The following PIK3C2G variants were observed in gnomAD, a reference collection of about 807,000 sequenced individuals.
PIK3C2G encodes the protein phosphatidylinositol 3-kinase C2 domain-containing subunit gamma.
PIK3C2G carries 168 observed loss-of-function variants against 181.1 expected under a neutral mutation model. That is an observed-to-expected ratio of 0.93 (90% CI 0.82 to 1.05). The LOEUF is 1.05. Among genes scored for constraint, PIK3C2G ranks in the 50% least tolerant of loss-of-function variants. The pLI is 0.00. For synonymous variants in PIK3C2G, 573 were observed against 592.2 expected, an observed-to-expected ratio of 0.97 and a Z score of 0.47; for missense variants, 1,869 against 1,732.8, an observed-to-expected ratio of 1.08 and a Z score of -1.40.
chr12:18,542,045 C>A (rs893117654), intron 25 of PIK3C2G, among the ~76,000 whole-genome samples: 1 of 151,594 alleles, frequency 6.6e-6, no homozygotes, highest in African/African-American at 2.4e-5. Flanking sequence ...TGGGTGTTGG[C>A]AAGGGAACGA....
chr12:18,460,912 T>C (rs895540902), intron 18 of PIK3C2G, among the ~76,000 whole-genome samples: 10 of 151,986 alleles, frequency 6.6e-5, no homozygotes, highest in Non-Finnish European at 1.3e-4. Flanking sequence ...AGCTGTAAAA[T>C]GAATGCTAAT....
At chr12:18,615,254 T>C (rs948682846) in intron 31 of PIK3C2G, among the ~76,000 whole-genome samples, 6 of 151,932 alleles carry the variant, frequency 3.9e-5, no homozygotes, top group African/African-American at 1.5e-4. Context: ...TCACTTAAAA[T>C]AATGATCTCC....
the PIK3C2G span, chr12:18,723,495 T>C: frequency 3.7e-6 from 6 of 1,612,874 alleles, no homozygotes; most frequent in African/African-American, 1.3e-5. Flanking sequence ...GATAAATTGC[T>C]CTAAATTCTT....
intron 24 of PIK3C2G, among the ~76,000 whole-genome samples, chr12:18,513,115 G>A (rs1942319078): frequency 6.6e-6 from 1 of 151,754 alleles, no homozygotes; most frequent in African/African-American, 2.4e-5. Flanking sequence ...TGGGTATGTT[G>A]AACCATCCTT....
chr12:18,574,245 CT>C (rs1216730047), intron 29 of PIK3C2G, among the ~76,000 whole-genome samples: 1 of 152,084 alleles, frequency 6.6e-6, no homozygotes, highest in Non-Finnish European at 1.5e-5. Flanking sequence ...AGTACAAGGC[CT>C]TTTGGATTTT....
chr12:18,711,348 C>G, the PIK3C2G span, among the ~76,000 whole-genome samples: 1 of 120,698 alleles, frequency 8.3e-6, no homozygotes, highest in African/African-American at 3.3e-5. Flanking sequence ...AACACATGGA[C>G]ACAGGAAGGG....
intron 22 of PIK3C2G, among the ~76,000 whole-genome samples, chr12:18,501,455 C>A (rs779099383): frequency 6.6e-6 from 1 of 152,098 alleles, no homozygotes; most frequent in African/African-American, 2.4e-5. Context: ...TCCTTCCACA[C>A]GTGGGGATTA....
At chr12:18,648,677 A>T (rs1289332831), downstream of PIK3C2G, among the ~76,000 whole-genome samples, 1 of 152,106 alleles carries the variant, frequency 6.6e-6, no homozygotes, top group African/African-American at 2.4e-5. Context: ...AAACTTGGTT[A>T]TGCCTGGACT....
chr12:18,622,128 C>T (rs1375326052), intron 31 of PIK3C2G, among the ~76,000 whole-genome samples: 2 of 151,872 alleles, frequency 1.3e-5, no homozygotes, highest in Non-Finnish European at 2.9e-5. Flanking sequence ...TAGTGATATT[C>T]AGCATGCTGT....
At chr12:18,301,768 T>G (rs1169661362) in intron 5 of PIK3C2G, among the ~76,000 whole-genome samples, 2 of 152,178 alleles carry the variant, frequency 1.3e-5, no homozygotes, top group African/African-American at 4.8e-5. Context: ...AGATTCATAT[T>G]TCTTTGCTTT....
At chr12:18,473,812 A>C (rs1401418404) in intron 18 of PIK3C2G, among the ~76,000 whole-genome samples, 1 of 152,200 alleles carries the variant, frequency 6.6e-6, no homozygotes, top group Non-Finnish European at 1.5e-5. Flanking sequence ...AACTAACTGA[A>C]GGTACAGAAC....
chr12:18,343,226 A>G, intron 9 of PIK3C2G, 101 bp from the exon 10 acceptor site: 1 of 663,488 alleles, frequency 1.5e-6, no homozygotes. Context: ...TTGTTTTACC[A>G]TGACAAAGAA....
the PIK3C2G span, among the ~76,000 whole-genome samples, chr12:18,656,035 A>G: frequency 6.6e-6 from 1 of 152,210 alleles, no homozygotes; most frequent in African/African-American, 2.4e-5. Flanking sequence ...TGGTTCATCA[A>G]TTGTGACAAA....
At chr12:18,647,094 C>A (rs1446053844) in intron 32 of PIK3C2G, among the ~76,000 whole-genome samples, 1 of 150,654 alleles carries the variant, frequency 6.6e-6, no homozygotes, top group Non-Finnish European at 1.5e-5. Context: ...TTTTTTGTTT[C>A]ATGCAGATTT....
chr12:18,407,171 A>G (rs540922541), intron 16 of PIK3C2G, among the ~76,000 whole-genome samples: 27 of 152,134 alleles, frequency 1.8e-4, no homozygotes, highest in Non-Finnish European at 3.7e-4. Context: ...TACATTTTAA[A>G]GAGAATTTTC....
intron 9 of PIK3C2G, 125 bp downstream of exon 9, chr12:18,338,673 G>C (rs1442540835): frequency 1.5e-5 from 7 of 461,342 alleles, no homozygotes; most frequent in African/African-American, 2.5e-5. Context: ...CTGTGTGTGT[G>C]TGTGTGTGTG....
intron 1 of PIK3C2G, among the ~76,000 whole-genome samples, chr12:18,263,307 G>A (rs1389343047): frequency 2.0e-5 from 3 of 152,056 alleles, no homozygotes; most frequent in African/African-American, 7.2e-5. Context: ...AGAGAAAACA[G>A]TCTGTACAAT....
chr12:18,655,404 A>C, the PIK3C2G span, among the ~76,000 whole-genome samples: 2 of 152,212 alleles, frequency 1.3e-5, no homozygotes, highest in Admixed American at 6.5e-5. Flanking sequence ...ACACTGCTAT[A>C]AATGAATAAA....
At chr12:18,684,132 T>C in the PIK3C2G span, 5 of 1,611,354 alleles carry the variant, frequency 3.1e-6, no homozygotes, top group African/African-American at 2.7e-5. Flanking sequence ...GACATTACCT[T>C]TGTTCATGCA....
Sources: gnomAD v4.1 joint callset for allele counts (sites outside exome capture counted in the v4.1 genomes callset) on GRCh38, gnomAD v4.1.1 for gene constraint, MANE v1.5 for transcripts, NCBI Gene and HGNC (gene_info 2026-07-23, HGNC 2026-07-21) for gene names.